CNTN4: variants seen among roughly 807,000 people sequenced by gnomAD.
The protein encoded by CNTN4 is contactin-4.
CNTN4 carries 77 observed loss-of-function variants against 122.5 expected under a neutral mutation model. That is an observed-to-expected ratio of 0.63 (90% CI 0.52 to 0.76). The LOEUF (loss-of-function observed/expected upper bound fraction) is 0.76. Ranked by LOEUF, CNTN4 falls within the 30% of genes least tolerant of loss-of-function variation. CNTN4 has a pLI of 0.00. For synonymous variants in CNTN4, 512 were observed against 447.0 expected (o/e 1.15, Z -1.83); for missense variants, 1,256 against 1,259.1 (o/e 1.00, Z 0.04).
chr3:2,299,032 C>T (rs1269359314), intron 2 of CNTN4, among the ~76,000 whole-genome samples: 1 of 151,956 alleles, frequency 6.6e-6, no homozygotes, highest in Non-Finnish European at 1.5e-5. Context: ...GGGTTTTTAG[C>T]TTCTGACCTC....
chr3:2,226,242 C>A (rs1042469023), intron 2 of CNTN4, among the ~76,000 whole-genome samples: 1 of 152,014 alleles, frequency 6.6e-6, no homozygotes, highest in African/African-American at 2.4e-5. Flanking sequence ...TTATAATATC[C>A]TTGAAGGTTG....
intron 2 of CNTN4, among the ~76,000 whole-genome samples, 192 bp downstream of exon 2, chr3:2,100,831 G>C (rs1020798562): frequency 4.0e-5 from 6 of 151,660 alleles, no homozygotes; most frequent in African/African-American, 1.5e-4. Context: ...GTCTTGTTGA[G>C]GAGAGATGAT....
chr3:2,652,807 G>T (rs1252425393), intron 4 of CNTN4, among the ~76,000 whole-genome samples: 1 of 151,992 alleles, frequency 6.6e-6, no homozygotes, highest in East Asian at 1.9e-4. Context: ...TTATCAGTGT[G>T]GTCACTTATC....
chr3:3,007,608 G>A (rs779535420), intron 14 of CNTN4, among the ~76,000 whole-genome samples: 38 of 152,200 alleles, frequency 2.5e-4, no homozygotes, highest in Non-Finnish European at 3.7e-4. Context: ...AGAACAATAT[G>A]TTAGGTGAAT....
Position 2,445,025 on chromosome 3 carries a change from A to C in CNTN4, c.-89+105792A>C, listed in dbSNP as rs148541584. On this transcript the variant is annotated intron_variant, in intron 3 of 24. Transcript: ENST00000418658. Reference sequence around the variant, plus strand: ...AAAAAAAAAAAAAATCTATCTCTCTATCTATCTATCTATCTATCTGATTGG... The same window carrying C: ...AAAAAAAAAAAAAATCTATCTCTCTCTCTATCTATCTATCTATCTGATTGG... Among the ~76,000 whole-genome samples the C allele has an allele frequency of 9.3e-5, 14 of 150,234 alleles. No individual in the cohort carries two copies. In the East Asian group the frequency reaches 1.2e-3, roughly 13 times the overall value.
intron 4 of CNTN4, among the ~76,000 whole-genome samples, chr3:2,617,113 A>G (rs2081783894): frequency 6.6e-6 from 1 of 152,220 alleles, no homozygotes; most frequent in South Asian, 2.1e-4. Flanking sequence ...GCCAAAAGCA[A>G]CGGCAACAAA....
intron 3 of CNTN4, among the ~76,000 whole-genome samples, chr3:2,545,683 C>A (rs1217256289): frequency 6.6e-6 from 1 of 151,140 alleles, no homozygotes; most frequent in Admixed American, 6.6e-5. Flanking sequence ...ATCACGATAG[C>A]AACTTCTCCT....
intron 7 of CNTN4, among the ~76,000 whole-genome samples, chr3:2,832,813 T>C (rs2093132371): frequency 6.6e-6 from 1 of 152,224 alleles, no homozygotes; most frequent in Non-Finnish European, 1.5e-5. Flanking sequence ...AAATTGAGAT[T>C]CTGGGAGCCC....
intron 4 of CNTN4, among the ~76,000 whole-genome samples, chr3:2,735,225 A>T (rs1455154831): frequency 6.6e-6 from 1 of 152,258 alleles, no homozygotes; most frequent in East Asian, 1.9e-4. Flanking sequence ...AGGGTCTAGC[A>T]GAGTCTTCCA....
At chr3:2,969,516 G>GATTATTATTATTATTATT (rs57712177) in intron 13 of CNTN4, among the ~76,000 whole-genome samples, 4,256 of 121,422 alleles carry the variant, frequency 0.035, 105 homozygotes, top group East Asian at 0.15. Context: ...GGAAAATTGG[G>GATTATTATTATTATTATT]ATTATTATTA....
At chr3:2,448,925 A>G (rs888300078) in intron 3 of CNTN4, among the ~76,000 whole-genome samples, 2 of 152,190 alleles carry the variant, frequency 1.3e-5, no homozygotes, top group African/African-American at 4.8e-5. Flanking sequence ...GTACCAAGCC[A>G]TGTAAGGCTA....
At chr3:2,509,438 A>G (rs2076822970) in intron 3 of CNTN4, among the ~76,000 whole-genome samples, 1 of 152,198 alleles carries the variant, frequency 6.6e-6, no homozygotes, top group African/African-American at 2.4e-5. Context: ...CCAACACAAA[A>G]TTACTCAAAA....
At chr3:2,362,263 G>C (rs2045182951) in intron 3 of CNTN4, 2 of 182,870 alleles carry the variant, frequency 1.1e-5, no homozygotes, top group African/African-American at 4.8e-5. Flanking sequence ...GCAAGATGGT[G>C]GTGGCCGTGG....
At chr3:2,499,402 A>G (rs2076536839) in intron 3 of CNTN4, among the ~76,000 whole-genome samples, 1 of 152,238 alleles carries the variant, frequency 6.6e-6, no homozygotes, top group Admixed American at 6.5e-5. Flanking sequence ...ATTAAATAAT[A>G]ATGATGGTTG....
intron 2 of CNTN4, among the ~76,000 whole-genome samples, chr3:2,266,724 C>T (rs2149788556): frequency 6.6e-6 from 1 of 152,186 alleles, no homozygotes; most frequent in African/African-American, 2.4e-5. Flanking sequence ...TTGCTATTCT[C>T]AGCATTTTGG....
chr3:2,669,769 T>C (rs1205658665), intron 4 of CNTN4, among the ~76,000 whole-genome samples: 1 of 152,238 alleles, frequency 6.6e-6, no homozygotes, highest in Non-Finnish European at 1.5e-5. Context: ...TTTAAATGTG[T>C]CCCAGAGATT....
At chr3:2,256,891 C>A (rs149814459) in intron 2 of CNTN4, among the ~76,000 whole-genome samples, 309 of 152,234 alleles carry the variant, frequency 2.0e-3, no homozygotes, top group Non-Finnish European at 3.5e-3. Context: ...TCAATGCTAT[C>A]CCCATCAAGC....
intron 2 of CNTN4, among the ~76,000 whole-genome samples, chr3:2,187,106 A>G (rs140758684): frequency 0.024 from 3,646 of 152,214 alleles, 134 homozygotes; most frequent in African/African-American, 0.084. Context: ...ATTTTTGTAT[A>G]AGGTGTAAGG....
At chr3:2,288,431 A>C (rs1330977423) in intron 2 of CNTN4, among the ~76,000 whole-genome samples, 1 of 152,084 alleles carries the variant, frequency 6.6e-6, no homozygotes, top group Non-Finnish European at 1.5e-5. Context: ...GGTAGAACTC[A>C]CTCACTACCA....
Sources: gnomAD v4.1 joint callset for allele counts (sites outside exome capture counted in the v4.1 genomes callset) on GRCh38, gnomAD v4.1.1 for gene constraint, MANE v1.5 for transcripts, NCBI Gene and HGNC (gene_info 2026-07-23, HGNC 2026-07-21) for gene names.